MAP2K6: variants seen among roughly 807,000 people sequenced by gnomAD.
MAP2K6 encodes dual specificity mitogen-activated protein kinase kinase 6.
In MAP2K6, 16 loss-of-function variants were observed where a neutral mutation model predicts 53.7. The observed-to-expected ratio is 0.30, with a 90% CI of 0.20 to 0.45. The LOEUF (loss-of-function observed/expected upper bound fraction) is 0.45. Ranked by LOEUF, MAP2K6 falls within the 20% of genes least tolerant of loss-of-function variation. The pLI, the probability that MAP2K6 is intolerant of heterozygous loss-of-function variation, is 1.00. For missense variants in MAP2K6, 204 were observed against 411.9 expected, an observed-to-expected ratio of 0.50 and a Z score of 4.37; for synonymous variants, 132 against 143.1, an observed-to-expected ratio of 0.92 and a Z score of 0.55.
intron 1 of MAP2K6, among the ~76,000 whole-genome samples, chr17:69,441,186 C>T (rs1450837119): frequency 1.3e-5 from 2 of 152,098 alleles, no homozygotes; most frequent in African/African-American, 4.8e-5. Context: ...GTTTTTTAGT[C>T]CCTCAATTAA....
intron 9 of MAP2K6, 57 bp downstream of exon 9, chr17:69,525,035 G>T: frequency 6.9e-7 from 1 of 1,453,604 alleles, no homozygotes; most frequent in South Asian, 1.1e-5. Flanking sequence ...ACTAGAATGA[G>T]GTGGACGTTG....
intron 2 of MAP2K6, 56 bp downstream of exon 2, chr17:69,505,902 T>C: frequency 6.7e-7 from 1 of 1,501,370 alleles, no homozygotes; most frequent in South Asian, 1.2e-5. Flanking sequence ...AGATTCCTCC[T>C]GGGGGTTTAT....
chr17:69,473,307 A>G (rs12945375), intron 1 of MAP2K6, among the ~76,000 whole-genome samples: 20,769 of 152,210 alleles, frequency 0.14, 1,820 homozygotes, highest in Non-Finnish European at 0.19. Context: ...TCTGCAGAAA[A>G]TGTTCACAGT....
intron 11 of MAP2K6, among the ~76,000 whole-genome samples, chr17:69,537,521 G>A (rs1411638777): frequency 6.6e-6 from 1 of 152,226 alleles, no homozygotes; most frequent in Non-Finnish European, 1.5e-5. Context: ...AAATGCTGTG[G>A]TGAGGTGGCT....
chr17:69,443,209 C>T (rs1241502890), intron 1 of MAP2K6, among the ~76,000 whole-genome samples: 1 of 152,286 alleles, frequency 6.6e-6, no homozygotes, highest in East Asian at 1.9e-4. Flanking sequence ...CCCTTCAAAT[C>T]CCATCCATGC....
intron 1 of MAP2K6, among the ~76,000 whole-genome samples, chr17:69,440,711 A>G (rs1473310339): frequency 6.6e-6 from 1 of 151,208 alleles, no homozygotes; most frequent in Non-Finnish European, 1.5e-5. Context: ...TTCTCTGGAT[A>G]TAGAATTCTG....
intron 1 of MAP2K6, among the ~76,000 whole-genome samples, chr17:69,462,415 A>G (rs1217836746): frequency 6.6e-6 from 1 of 152,146 alleles, no homozygotes; most frequent in Non-Finnish European, 1.5e-5. Flanking sequence ...GTATTGAGCC[A>G]TCTACGTTTT....
At chr17:69,485,504 C>T (rs138907485) in intron 1 of MAP2K6, 1 of 969,396 alleles carries the variant, frequency 1.0e-6, no homozygotes, top group African/African-American at 1.8e-5. Context: ...TCATTTGAAA[C>T]TACGGGAACT....
chr17:69,528,185 T>C (rs1389853645), intron 10 of MAP2K6, among the ~76,000 whole-genome samples: 1 of 150,286 alleles, frequency 6.7e-6, no homozygotes, highest in Non-Finnish European at 1.5e-5. Context: ...AGCAACTGTC[T>C]GTTGCTTGTG....
chr17:69,477,909 T>A (rs954803649), intron 1 of MAP2K6, among the ~76,000 whole-genome samples: 5 of 151,972 alleles, frequency 3.3e-5, no homozygotes, highest in African/African-American at 1.2e-4. Context: ...GAGGGACGGG[T>A]TCATAGGAAG....
At chr17:69,455,039 T>A (rs2715811) in intron 1 of MAP2K6, among the ~76,000 whole-genome samples, 4,672 of 151,064 alleles carry the variant, frequency 0.031, 195 homozygotes, top group African/African-American at 0.099. Context: ...ATTATTATTT[T>A]TTTTTTTTTT....
intron 3 of MAP2K6, among the ~76,000 whole-genome samples, chr17:69,517,112 ATAGAG>A (rs1311694631): frequency 2.6e-5 from 4 of 151,800 alleles, no homozygotes; most frequent in African/African-American, 9.7e-5. Context: ...AGGTATTTGA[ATAGAG>A]TAGATGGTTC....
At chr17:69,463,234 CA>C (rs1291122045) in intron 1 of MAP2K6, among the ~76,000 whole-genome samples, 1 of 150,720 alleles carries the variant, frequency 6.6e-6, no homozygotes, top group African/African-American at 2.4e-5. Context: ...CAATATGAAG[CA>C]TTTTTTTACA....
At chr17:69,485,378 C>A in intron 1 of MAP2K6, 1 of 552,084 alleles carries the variant, frequency 1.8e-6, no homozygotes, top group Non-Finnish European at 2.3e-6. Context: ...AGTTTTAGAT[C>A]ATGCCTGCAA....
At chr17:69,470,884 C>T (rs562852891) in intron 1 of MAP2K6, among the ~76,000 whole-genome samples, 27 of 152,182 alleles carry the variant, frequency 1.8e-4, no homozygotes, top group Admixed American at 1.6e-3. Flanking sequence ...TCCCTTTTAC[C>T]GTCTCCCATC....
chr17:69,422,587 G>A (rs1906127955), intron 1 of MAP2K6, among the ~76,000 whole-genome samples: 1 of 152,178 alleles, frequency 6.6e-6, no homozygotes, highest in Admixed American at 6.5e-5. Context: ...AGCCCCAGGT[G>A]GAGCTGCTGA....
intron 1 of MAP2K6, among the ~76,000 whole-genome samples, chr17:69,438,785 A>G (rs1049783088): frequency 6.6e-6 from 1 of 152,028 alleles, no homozygotes; most frequent in Non-Finnish European, 1.5e-5. Flanking sequence ...GGGTCTTACT[A>G]TGCTGCCCAG....
At chr17:69,421,523 CT>C (rs1223777873) in intron 1 of MAP2K6, among the ~76,000 whole-genome samples, 2 of 150,770 alleles carry the variant, frequency 1.3e-5, no homozygotes, top group Admixed American at 6.6e-5. Flanking sequence ...AGAGACAATC[CT>C]TTTTTTGTTG....
intron 1 of MAP2K6, among the ~76,000 whole-genome samples, chr17:69,429,625 T>C (rs895785071): frequency 6.6e-6 from 1 of 152,182 alleles, no homozygotes; most frequent in African/African-American, 2.4e-5. Flanking sequence ...AGCTTTATTT[T>C]CTTTATGTGA....
Sources: allele counts gnomAD v4.1 joint callset (sites outside exome capture counted in the v4.1 genomes callset), GRCh38; gene constraint gnomAD v4.1.1; transcripts MANE v1.5; gene names NCBI Gene and HGNC (gene_info 2026-07-23, HGNC 2026-07-21).